Variants in LRP1B observed in about 807,000 individuals in gnomAD.
LRP1B encodes the protein low-density lipoprotein receptor-related protein 1B.
Under a neutral mutation model 556.6 loss-of-function variants are expected in LRP1B, and 217 were observed. The observed-to-expected ratio is 0.39, with a 90% CI of 0.35 to 0.44. LRP1B has a LOEUF of 0.44. Ranked by LOEUF, LRP1B falls within the 20% of genes least tolerant of loss-of-function variation. The pLI is 1.00. For missense variants in LRP1B, 5,053 were observed against 5,620.8 expected (o/e 0.90, Z 3.23); for synonymous variants, 2,047 against 1,865.8 (o/e 1.10, Z -2.50).
At chr2:140,495,427 C>T in intron 56 of LRP1B, 138 bp downstream of exon 56, 2 of 624,670 alleles carry the variant, frequency 3.2e-6, no homozygotes, top group Non-Finnish European at 2.6e-6. Context: ...GTGACAGATT[C>T]TCATATCAAG....
rs181676656 is a variant in LRP1B, at chr2:141,706,088, G to A, written c.205+104191C>T. Among the ~76,000 whole-genome samples, 7 of 152,022 alleles carry A rather than the reference G, an allele frequency of 4.6e-5. 1 individual carries two copies. The East Asian group carries it at 5.8e-4, about 13-fold the overall frequency. On this transcript the variant is annotated intron_variant, in intron 2 of 90. Transcript: ENST00000389484. ...CCTATATGGAAATTTAGGTAAGCTC[G>A]CATGAATAAAGCCCAAAATCTTCAG...
At chr2:140,936,339 C>CAAAAAAAA (rs59717868) in intron 20 of LRP1B, among the ~76,000 whole-genome samples, 7 of 86,820 alleles carry the variant, frequency 8.1e-5, no homozygotes, top group African/African-American at 1.8e-4. Context: ...GACTCCGTCT[C>CAAAAAAAA]AAAAAAAAAA....
At chr2:141,010,248 AG>A (rs1697702239) in intron 14 of LRP1B, among the ~76,000 whole-genome samples, 1 of 152,060 alleles carries the variant, frequency 6.6e-6, no homozygotes, top group African/African-American at 2.4e-5. Context: ...TAAAAAGGAA[AG>A]TCTGTTATTT....
chr2:141,227,741 T>C (rs1683300909), intron 6 of LRP1B, among the ~76,000 whole-genome samples: 1 of 152,192 alleles, frequency 6.6e-6, no homozygotes, highest in Admixed American at 6.5e-5. Context: ...TTTGACTCAT[T>C]TAATCTAATT....
At chr2:140,596,379 T>G (rs1682440940) in intron 43 of LRP1B, among the ~76,000 whole-genome samples, 1 of 152,206 alleles carries the variant, frequency 6.6e-6, no homozygotes, top group Non-Finnish European at 1.5e-5. Flanking sequence ...CACTTAGAGT[T>G]GGATGCTGTT....
In LRP1B at chr2:141,045,487, G is replaced by C. The variant is rs1358447486; in HGVS notation, c.1789+3499C>G. 2.5e-4 allele frequency among the ~76,000 whole-genome samples: 38 copies of C among 151,496 alleles called. 2 individuals carry two copies. Among genetic ancestry groups the C allele is most frequent in the Non-Finnish European group, 1.3e-4 (9 of 67,852 alleles). ...AAAGAGCATCTATCTTGTTCTGTTAGAGAAAGTAACAATTACACCTGGCAA... is the reference window on the plus strand; with the variant it reads ...AAAGAGCATCTATCTTGTTCTGTTACAGAAAGTAACAATTACACCTGGCAA... On this transcript the variant is annotated intron_variant, in intron 11 of 90. Coordinates refer to ENST00000389484, the MANE Select transcript of LRP1B (RefSeq NM_018557.3).
At chr2:141,431,107 G>T (rs770801741) in intron 3 of LRP1B, among the ~76,000 whole-genome samples, 14 of 149,738 alleles carry the variant, frequency 9.3e-5, no homozygotes, top group Non-Finnish European at 1.8e-4. Flanking sequence ...CTGCATGCTA[G>T]CCTGAGCAAG....
At chr2:140,376,403 G>T (rs1441548392) in intron 68 of LRP1B, among the ~76,000 whole-genome samples, 2 of 152,058 alleles carry the variant, frequency 1.3e-5, no homozygotes, top group Non-Finnish European at 2.9e-5. Flanking sequence ...TACCCAGATT[G>T]GTTCAACGTA....
intron 2 of LRP1B, among the ~76,000 whole-genome samples, chr2:141,671,194 G>A (rs16846801): frequency 0.01 from 1,589 of 152,274 alleles, 26 homozygotes; most frequent in African/African-American, 0.036. Context: ...TCCTTGAGAA[G>A]CAAAGATTTT....
chr2:140,870,410 T>C (rs1358991784), intron 25 of LRP1B, among the ~76,000 whole-genome samples: 2 of 152,102 alleles, frequency 1.3e-5, no homozygotes, highest in Non-Finnish European at 2.9e-5. Context: ...CCCATTTCCC[T>C]CTCCCATATG....
chr2:140,725,320 A>G (rs1687553609), intron 35 of LRP1B, among the ~76,000 whole-genome samples: 1 of 145,264 alleles, frequency 6.9e-6, no homozygotes, highest in Non-Finnish European at 1.5e-5. Context: ...CCAGATATCA[A>G]GACCAGACCT....
At chr2:141,439,541 T>G (rs1680883372) in intron 3 of LRP1B, among the ~76,000 whole-genome samples, 1 of 152,100 alleles carries the variant, frequency 6.6e-6, no homozygotes, top group African/African-American at 2.4e-5. Context: ...TAATTATACA[T>G]TTTTCTCTAA....
chr2:140,731,218 A>G (rs1687764916), intron 35 of LRP1B, among the ~76,000 whole-genome samples: 1 of 152,144 alleles, frequency 6.6e-6, no homozygotes, highest in Admixed American at 6.6e-5. Context: ...CTCTATAGTT[A>G]TACTTTACAC....
At chr2:141,265,202 G>A (rs573117648) in intron 3 of LRP1B, among the ~76,000 whole-genome samples, 2 of 152,306 alleles carry the variant, frequency 1.3e-5, no homozygotes, top group South Asian at 4.1e-4. Flanking sequence ...CTGAGCCAGC[G>A]TTAGAGATAC....
intron 66 of LRP1B, among the ~76,000 whole-genome samples, chr2:140,403,331 T>C (rs1057378437): frequency 6.6e-6 from 1 of 152,150 alleles, no homozygotes; most frequent in Admixed American, 6.5e-5. Flanking sequence ...TTTATTAAGC[T>C]ACCCAAGGAA....
At chr2:140,608,518 C>G (rs1274622802) in intron 41 of LRP1B, among the ~76,000 whole-genome samples, 1 of 152,196 alleles carries the variant, frequency 6.6e-6, no homozygotes, top group East Asian at 1.9e-4. Flanking sequence ...CTTACTCTTT[C>G]TTTTGTCCTT....
chr2:140,721,628 AG>A (rs1237040853), intron 35 of LRP1B, among the ~76,000 whole-genome samples: 3 of 139,854 alleles, frequency 2.1e-5, no homozygotes, highest in Non-Finnish European at 4.5e-5. Context: ...GCTCACTGCA[AG>A]CTCCGCCTCC....
chr2:140,383,036 C>T (rs912444697), intron 67 of LRP1B, among the ~76,000 whole-genome samples: 1 of 152,130 alleles, frequency 6.6e-6, no homozygotes, highest in Non-Finnish European at 1.5e-5. Context: ...TCTGTACCAT[C>T]TATGTTTGTG....
intron 2 of LRP1B, among the ~76,000 whole-genome samples, chr2:141,702,818 A>G (rs1226954331): frequency 2.0e-5 from 3 of 151,862 alleles, no homozygotes; most frequent in East Asian, 1.9e-4. Flanking sequence ...GGAGTGATGT[A>G]AGGTTGAAAG....
Sources: gnomAD v4.1 joint callset for allele counts (sites outside exome capture counted in the v4.1 genomes callset) on GRCh38, gnomAD v4.1.1 for gene constraint, MANE v1.5 for transcripts, NCBI Gene and HGNC (gene_info 2026-07-23, HGNC 2026-07-21) for gene names.